Variants in TMTC2 observed in about 807,000 individuals in gnomAD.
TMTC2 encodes protein O-mannosyl-transferase TMTC2.
TMTC2 carries 43 observed loss-of-function variants against 82.4 expected under a neutral mutation model. The observed-to-expected ratio is 0.52, with a 90% CI of 0.41 to 0.67. The LOEUF (loss-of-function observed/expected upper bound fraction) is 0.67, where lower values mean the gene tolerates loss of function less well. Ranked by LOEUF, TMTC2 falls within the 30% of genes least tolerant of loss-of-function variation. The pLI, the probability that TMTC2 is intolerant of heterozygous loss-of-function variation, is 0.00. For synonymous variants in TMTC2, 408 were observed against 381.9 expected, an observed-to-expected ratio of 1.07 and a Z score of -0.80; for missense variants, 919 against 1,012.4, an observed-to-expected ratio of 0.91 and a Z score of 1.25.
intron 1 of TMTC2, among the ~76,000 whole-genome samples, chr12:82,778,973 G>T (rs1449743396): frequency 8.0e-5 from 12 of 149,112 alleles, no homozygotes; most frequent in African/African-American, 3.0e-4. Context: ...GGAGGTGGAG[G>T]TTGCAGTGAG....
chr12:83,110,450 A>G (rs1448992036), intron 11 of TMTC2, among the ~76,000 whole-genome samples: 2 of 152,108 alleles, frequency 1.3e-5, no homozygotes, highest in African/African-American at 4.8e-5. Flanking sequence ...CCTTCTCTAT[A>G]GATTTCTCTC....
At chr12:83,055,972 A>G (rs1213858194) in intron 10 of TMTC2, among the ~76,000 whole-genome samples, 1 of 151,960 alleles carries the variant, frequency 6.6e-6, no homozygotes, top group Admixed American at 6.6e-5. Context: ...GGCTTAATGT[A>G]GTATGATACT....
intron 1 of TMTC2, among the ~76,000 whole-genome samples, chr12:82,819,335 A>G (rs1402193772): frequency 2.0e-5 from 3 of 151,992 alleles, no homozygotes; most frequent in African/African-American, 7.2e-5. Flanking sequence ...CAGATCAAAC[A>G]TTTCTAATTT....
chr12:83,010,106 C>G (rs1336092305), intron 8 of TMTC2, among the ~76,000 whole-genome samples: 2 of 152,040 alleles, frequency 1.3e-5, no homozygotes, highest in Non-Finnish European at 2.9e-5. Flanking sequence ...GGGACCTGTC[C>G]ATGGCCTGGG....
rs528380739 is a variant in TMTC2 at position 83,118,167 on chromosome 12, C to G, written c.2332-14043C>G. Among the ~76,000 whole-genome samples the G allele has an allele frequency of 5.3e-5, 8 of 152,210 alleles. No individual in the cohort carries two copies. In the East Asian group the frequency reaches 7.7e-4, roughly 15 times the overall value. The stretch of plus-strand genomic sequence containing the variant: ...GATTTGGATGCCCTTTTATTTCCTT[C>G]TCTTGTCTGATTGCTCTGGCTAGGA... On this transcript the variant is annotated intron_variant, in intron 11 of 11. Coordinates refer to ENST00000321196, the MANE Select transcript of TMTC2 (RefSeq NM_152588.3).
At chr12:82,889,392 T>C (rs948018357) in intron 2 of TMTC2, among the ~76,000 whole-genome samples, 2 of 152,260 alleles carry the variant, frequency 1.3e-5, no homozygotes, top group Non-Finnish European at 2.9e-5. Flanking sequence ...TCTAGGTATG[T>C]CAAGTTGTCA....
At chr12:82,996,236 A>G (rs1357826435) in intron 8 of TMTC2, among the ~76,000 whole-genome samples, 1 of 152,212 alleles carries the variant, frequency 6.6e-6, no homozygotes, top group African/African-American at 2.4e-5. Flanking sequence ...TGTGATGTAT[A>G]TAGTTTTCCT....
chr12:83,097,017 A>G (rs1457556928), intron 11 of TMTC2, among the ~76,000 whole-genome samples: 1 of 152,162 alleles, frequency 6.6e-6, no homozygotes, highest in Non-Finnish European at 1.5e-5. Flanking sequence ...GGTAGGGTCC[A>G]TGTTTTTCTA....
At chr12:82,756,595 T>C (rs905020405) in intron 1 of TMTC2, among the ~76,000 whole-genome samples, 1 of 152,146 alleles carries the variant, frequency 6.6e-6, no homozygotes, top group African/African-American at 2.4e-5. Flanking sequence ...TCCTGAATAG[T>C]GATTAGATAT....
At chr12:82,853,101 T>A (rs12299630) in intron 1 of TMTC2, among the ~76,000 whole-genome samples, 2 of 151,092 alleles carry the variant, frequency 1.3e-5, no homozygotes, top group Non-Finnish European at 2.9e-5. Flanking sequence ...TGTTTCAAAG[T>A]TTTTTTTCTT....
intron 1 of TMTC2, among the ~76,000 whole-genome samples, chr12:82,843,807 G>C (rs577641815): frequency 2.0e-5 from 3 of 152,042 alleles, no homozygotes; most frequent in Non-Finnish European, 2.9e-5. Flanking sequence ...AATTAGACGG[G>C]TCTGGTGGCA....
chr12:83,117,904 ATT>A (rs1213782890), intron 11 of TMTC2, among the ~76,000 whole-genome samples: 9 of 145,500 alleles, frequency 6.2e-5, no homozygotes, highest in African/African-American at 1.4e-4. Flanking sequence ...TATTTTATTT[ATT>A]TATTTATTTA....
intron 1 of TMTC2, among the ~76,000 whole-genome samples, chr12:82,792,977 A>C (rs964198520): frequency 8.5e-5 from 13 of 152,186 alleles, no homozygotes; most frequent in African/African-American, 3.1e-4. Flanking sequence ...AAATTAATAC[A>C]TGTTGTCCAG....
chr12:82,952,400 A>C (rs1256353899), intron 4 of TMTC2, among the ~76,000 whole-genome samples: 1 of 152,180 alleles, frequency 6.6e-6, no homozygotes, highest in Non-Finnish European at 1.5e-5. Context: ...ACTCAAAACC[A>C]GACAACTCAT....
intron 10 of TMTC2, among the ~76,000 whole-genome samples, chr12:83,058,733 G>A (rs1187243431): frequency 2.6e-5 from 4 of 151,832 alleles, no homozygotes; most frequent in South Asian, 4.2e-4. Flanking sequence ...AGTGTGTTTT[G>A]GTCAGAATGC....
intron 3 of TMTC2, among the ~76,000 whole-genome samples, chr12:82,913,273 G>C (rs934887443): frequency 6.6e-5 from 10 of 152,142 alleles, no homozygotes; most frequent in Non-Finnish European, 1.0e-4. Flanking sequence ...TCTGTTCTCT[G>C]TGGTACCATT....
intron 1 of TMTC2, among the ~76,000 whole-genome samples, chr12:82,762,549 G>C (rs1876711389): frequency 6.6e-6 from 1 of 152,110 alleles, no homozygotes; most frequent in Admixed American, 6.5e-5. Flanking sequence ...TTTAGAGATA[G>C]AATATAAGAG....
intron 1 of TMTC2, among the ~76,000 whole-genome samples, chr12:82,844,952 G>T (rs942002244): frequency 6.6e-6 from 1 of 151,700 alleles, no homozygotes; most frequent in African/African-American, 2.4e-5. Flanking sequence ...AAGGGGCCGG[G>T]TGCGGTGGCT....
At chr12:82,967,324 GTAA>G (rs1389324573) in intron 7 of TMTC2, among the ~76,000 whole-genome samples, 4 of 151,860 alleles carry the variant, frequency 2.6e-5, no homozygotes, top group Admixed American at 6.6e-5. Flanking sequence ...TTCAATAATA[GTAA>G]TAAAGTATAC....
Sources: allele counts gnomAD v4.1 joint callset (sites outside exome capture counted in the v4.1 genomes callset), GRCh38; gene constraint gnomAD v4.1.1; transcripts MANE v1.5; gene names NCBI Gene and HGNC (gene_info 2026-07-23, HGNC 2026-07-21).